The following ZMYM2 variants were observed in gnomAD, a reference collection of about 807,000 sequenced individuals.
ZMYM2 encodes zinc finger MYM-type protein 2.
In ZMYM2, 56 loss-of-function variants were observed where a neutral mutation model predicts 162.8. That is an observed-to-expected ratio of 0.34 (90% CI 0.28 to 0.43). The LOEUF is 0.43. Among genes scored for constraint, ZMYM2 ranks in the 20% least tolerant of loss-of-function variants. The pLI, the probability that ZMYM2 is intolerant of heterozygous loss-of-function variation, is 1.00. For synonymous variants in ZMYM2, 510 were observed against 541.6 expected (o/e 0.94, Z 0.81); for missense variants, 1,275 against 1,621.8 (o/e 0.79, Z 3.67).
At chr13:20,032,605 T>C (rs1404385375) in intron 10 of ZMYM2, among the ~76,000 whole-genome samples, 1 of 120,708 alleles carries the variant, frequency 8.3e-6, no homozygotes, top group Non-Finnish European at 1.8e-5. Flanking sequence ...CTGTCTTTTT[T>C]TTTTTTTTTT....
the ZMYM2 span, among the ~76,000 whole-genome samples, chr13:19,941,850 G>A: frequency 1.3e-5 from 2 of 150,862 alleles, no homozygotes; most frequent in African/African-American, 2.4e-5. Flanking sequence ...GGGCTAAGCC[G>A]ATCCTCCCAC....
chr13:20,063,497 G>A (rs9579777), intron 18 of ZMYM2, among the ~76,000 whole-genome samples: 10,359 of 151,094 alleles, frequency 0.069, 459 homozygotes, highest in African/African-American at 0.12. Flanking sequence ...AATGTTGTTA[G>A]CATCTGGGTG....
Position 20,051,300 on chromosome 13 carries a change from A to G in ZMYM2, c.2293-133A>G, listed in dbSNP as rs199552684. On this transcript the variant is annotated intron_variant, in intron 12 of 24. Transcript: ENST00000610343. The stretch of plus-strand genomic sequence containing the variant: ...TTTATTGTAGATTTTACTGTTTACA[A>G]ATGATTTATATTATAGTTCTACTTT... The G allele has an allele frequency of 2.8e-4, 218 of 768,970 alleles. 2 individuals carry two copies. In the East Asian group the frequency reaches 6.9e-3, roughly 24 times the overall value. 47.6% of individuals were successfully genotyped at this position (768,970 alleles called of 1,614,324 possible).
the ZMYM2 span, among the ~76,000 whole-genome samples, chr13:19,920,636 C>A: frequency 6.6e-6 from 1 of 150,646 alleles, no homozygotes; most frequent in Non-Finnish European, 1.5e-5. Flanking sequence ...GGGAGGGGAG[C>A]AAAGAGAAAG....
chr13:20,057,352 G>C lies in ZMYM2; in HGVS notation c.2494-1223G>C, dbSNP rs887622812. Reference sequence around the variant, plus strand: ...GGAGTTTCACCATGTTGGCCAGGCTGGTTTCGAACTCCTGACCTTAGGTGA... The same window carrying C: ...GGAGTTTCACCATGTTGGCCAGGCTCGTTTCGAACTCCTGACCTTAGGTGA... On this transcript the variant is annotated intron_variant, in intron 14 of 24. Transcript: ENST00000610343. Among the ~76,000 whole-genome samples, 4 of 152,114 alleles carry C rather than the reference G, an allele frequency of 2.6e-5. No homozygotes were observed. In the South Asian group the frequency reaches 6.2e-4, roughly 24 times the overall value.
intron 1 of ZMYM2, among the ~76,000 whole-genome samples, chr13:19,959,362 C>T (rs1436952185): frequency 1.3e-5 from 2 of 152,150 alleles, no homozygotes; most frequent in African/African-American, 2.4e-5. Context: ...AGGGCTGCTG[C>T]CTCTGCTCCG....
At chr13:19,941,034 G>A in the ZMYM2 span, among the ~76,000 whole-genome samples, 1 of 152,114 alleles carries the variant, frequency 6.6e-6, no homozygotes, top group East Asian at 1.9e-4. Flanking sequence ...ACTTGGCAGG[G>A]TGTGGTGGCT....
At chr13:20,030,726 G>C (rs1953048295) in intron 9 of ZMYM2, among the ~76,000 whole-genome samples, 1 of 152,072 alleles carries the variant, frequency 6.6e-6, no homozygotes, top group Admixed American at 6.6e-5. Context: ...TAGAGACGGG[G>C]TTTTGCCATG....
chr13:19,968,346 G>T (rs1390986013), intron 2 of ZMYM2, among the ~76,000 whole-genome samples: 1 of 152,090 alleles, frequency 6.6e-6, no homozygotes, highest in Non-Finnish European at 1.5e-5. Context: ...GGGTTCAAGC[G>T]ATTCTCCTGC....
chr13:19,980,972 G>A (rs751027138), intron 2 of ZMYM2, among the ~76,000 whole-genome samples: 6 of 151,778 alleles, frequency 4.0e-5, no homozygotes, highest in African/African-American at 9.7e-5. Context: ...ATGAATTCAC[G>A]GATTTAAGCA....
rs5802035 is a variant in ZMYM2, at chr13:19,971,244, G to GTGTATA, written c.-11+11219_-11+11220insGTATAT. 2.5e-3 allele frequency among the ~76,000 whole-genome samples: 126 copies of GTGTATA among 50,066 alleles called. 2 individuals are homozygous for GTGTATA. Among genetic ancestry groups the GTGTATA allele is most frequent in the East Asian group, 0.017 (6 of 354 alleles). 32.8% of individuals were successfully genotyped at this position (50,066 alleles called of 152,430 possible). On this transcript the variant is annotated intron_variant, in intron 2 of 24. Coordinates refer to ENST00000610343, the MANE Select transcript of ZMYM2 (RefSeq NM_197968.4). ...TTTATATATATGTGTGTGTGTGTGTGTATATATATATATATATATTTTTTT... is the reference window on the plus strand; with the variant it reads ...TTTATATATATGTGTGTGTGTGTGTGTGTATATATATATATATATATATATTTTTTT...
chr13:19,993,444 C>G lies in ZMYM2; in HGVS notation c.372C>G (p.Asp124Glu), dbSNP rs1464054798. ...CAATTGTCATTGATGATGAAGAGGA[C>G]ATGGAAACAAATCAAGGGCAAGAGA... ...SETIVIDDEE[D>E]METNQGQEKN... Residue 124 changes from aspartate to glutamate, a missense_variant, in exon 3 of 25, where the codon GAC becomes GAG. Coordinates refer to ENST00000610343, the MANE Select transcript of ZMYM2 (RefSeq NM_197968.4). The G allele has an allele frequency of 6.2e-7, 1 of 1,613,800 alleles. No individual in the cohort carries two copies. The highest frequency in any genetic ancestry group is 1.7e-5 in the Admixed American group (1 of 59,994).
At chr13:20,019,323 GTT>G (rs1389644112) in intron 6 of ZMYM2, among the ~76,000 whole-genome samples, 2 of 152,112 alleles carry the variant, frequency 1.3e-5, no homozygotes, top group African/African-American at 4.8e-5. Flanking sequence ...CATTATTACT[GTT>G]TTATCATCAT....
At chr13:20,007,169 CTT>C (rs569537671) in intron 6 of ZMYM2, among the ~76,000 whole-genome samples, 18 of 151,836 alleles carry the variant, frequency 1.2e-4, no homozygotes, top group Non-Finnish European at 2.1e-4. Flanking sequence ...GAGTTTTGCT[CTT>C]GTTTCCCAAG....
intron 2 of ZMYM2, among the ~76,000 whole-genome samples, chr13:19,985,008 T>A (rs1462483910): frequency 6.6e-6 from 1 of 152,212 alleles, no homozygotes; most frequent in Non-Finnish European, 1.5e-5. Flanking sequence ...AGCCTACACA[T>A]TTTATAACAT....
the ZMYM2 span, among the ~76,000 whole-genome samples, chr13:19,878,183 G>A: frequency 6.6e-6 from 1 of 151,918 alleles, no homozygotes; most frequent in Admixed American, 6.6e-5. Context: ...TGCCCGAGTA[G>A]CTGGGACTAC....
chr13:19,886,412 C>T, the ZMYM2 span, among the ~76,000 whole-genome samples: 1 of 151,742 alleles, frequency 6.6e-6, no homozygotes, highest in Non-Finnish European at 1.5e-5. Context: ...ATCTGCCTGC[C>T]TCGGCCTCCC....
At chr13:19,924,028 A>T in the ZMYM2 span, among the ~76,000 whole-genome samples, 1 of 151,890 alleles carries the variant, frequency 6.6e-6, no homozygotes, top group East Asian at 1.9e-4. Flanking sequence ...ATGGGACCTT[A>T]ATCATCTCTC....
chr13:20,068,063 T>G (rs1956811138), intron 21 of ZMYM2: 1 of 174,646 alleles, frequency 5.7e-6, no homozygotes, highest in Admixed American at 6.4e-5. Context: ...TTAATTTGTG[T>G]TTTTTTTACT....
Sources: allele counts gnomAD v4.1 joint callset (sites outside exome capture counted in the v4.1 genomes callset), GRCh38; gene constraint gnomAD v4.1.1; transcripts MANE v1.5; gene names NCBI Gene and HGNC (gene_info 2026-07-23, HGNC 2026-07-21).